NKAIN3: variants seen among roughly 807,000 people sequenced by gnomAD.
The protein encoded by NKAIN3 is sodium/potassium transporting ATPase interacting 3.
In NKAIN3, 25 loss-of-function variants were observed where a neutral mutation model predicts 30.2. The ratio of observed to expected loss-of-function variants is 0.83; its 90% CI spans 0.60 to 1.16. The LOEUF is 1.16. NKAIN3 is among the 50% of genes most tolerant of loss of function. NKAIN3 has a pLI of 0.00. For missense variants in NKAIN3, 225 were observed against 254.1 expected, an observed-to-expected ratio of 0.89 and a Z score of 0.78; for synonymous variants, 91 against 89.6, an observed-to-expected ratio of 1.02 and a Z score of -0.09.
At chr8:62,339,325 A>C (rs1256240222) in intron 1 of NKAIN3, among the ~76,000 whole-genome samples, 1 of 152,008 alleles carries the variant, frequency 6.6e-6, no homozygotes, top group African/African-American at 2.4e-5. Context: ...GCCAGATAGG[A>C]AGCTATTCAA....
At chr8:62,730,427 G>A (rs1815428905) in intron 3 of NKAIN3, among the ~76,000 whole-genome samples, 1 of 151,778 alleles carries the variant, frequency 6.6e-6, no homozygotes, top group African/African-American at 2.4e-5. Flanking sequence ...TTTTTAAACT[G>A]GGTGCTCAGC....
rs542077432 is a variant in NKAIN3 at position 62,528,970 on chromosome 8, T to C, written c.55-50569T>C. Among the ~76,000 whole-genome samples the C allele has an allele frequency of 3.3e-5, 5 of 152,298 alleles. No individual in the cohort carries two copies. The South Asian group carries it at 1.0e-3, about 32-fold the overall frequency. ...GTATATAGAAGCTATGTAACTTGAA[T>C]GAAGCCATAGGGGTAGAAGCAGAAT... On this transcript the variant is annotated intron_variant, in intron 1 of 6. Transcript: ENST00000623646.
intron 3 of NKAIN3, among the ~76,000 whole-genome samples, chr8:62,707,539 A>T (rs1198451863): frequency 6.6e-6 from 1 of 151,936 alleles, no homozygotes; most frequent in Non-Finnish European, 1.5e-5. Context: ...AGAATTGTCT[A>T]TCCATGTCCT....
chr8:62,595,990 T>C (rs564892041), intron 3 of NKAIN3, among the ~76,000 whole-genome samples: 1 of 152,162 alleles, frequency 6.6e-6, no homozygotes, highest in Admixed American at 6.5e-5. Flanking sequence ...TGGCCTGCAG[T>C]GCAGGGGATT....
At chr8:62,565,832 A>G (rs1038796389) in intron 1 of NKAIN3, among the ~76,000 whole-genome samples, 1 of 152,204 alleles carries the variant, frequency 6.6e-6, no homozygotes, top group African/African-American at 2.4e-5. Flanking sequence ...TGCTCACATT[A>G]GACACTTAAA....
At chr8:62,912,934 G>A (rs117406678) in intron 4 of NKAIN3, among the ~76,000 whole-genome samples, 2 of 152,124 alleles carry the variant, frequency 1.3e-5, no homozygotes, top group East Asian at 3.9e-4. Flanking sequence ...AGAAAAAACT[G>A]AGATCCAAAC....
Position 62,569,402 on chromosome 8 carries a change from G to A in NKAIN3, c.55-10137G>A, listed in dbSNP as rs1306852964. Among the ~76,000 whole-genome samples, 3 of 152,168 alleles carry A rather than the reference G, an allele frequency of 2.0e-5. No individual in the cohort carries two copies. The East Asian group carries it at 5.8e-4, about 29-fold the overall frequency. On this transcript the variant is annotated intron_variant, in intron 1 of 6. Coordinates refer to ENST00000623646, the MANE Select transcript of NKAIN3 (RefSeq NM_001304533.3). Reference sequence around the variant, plus strand: ...AACCTCAAGCATGAAAAGTCCCTTGGGAGTTGAATAGATAGGAGAGTTTAG... The same window carrying A: ...AACCTCAAGCATGAAAAGTCCCTTGAGAGTTGAATAGATAGGAGAGTTTAG...
intron 4 of NKAIN3, among the ~76,000 whole-genome samples, chr8:62,879,372 T>C (rs1399519545): frequency 6.6e-6 from 1 of 152,224 alleles, no homozygotes; most frequent in Non-Finnish European, 1.5e-5. Context: ...TGTTTTTTTC[T>C]TATAAATTTG....
chr8:62,787,492 G>T (rs1032145474), intron 4 of NKAIN3, among the ~76,000 whole-genome samples: 4 of 151,936 alleles, frequency 2.6e-5, no homozygotes, highest in African/African-American at 4.8e-5. Context: ...GGACAAAGAG[G>T]AAAACTCAGT....
intron 1 of NKAIN3, among the ~76,000 whole-genome samples, chr8:62,260,829 C>G (rs1450021661): frequency 1.3e-5 from 2 of 152,108 alleles, no homozygotes; most frequent in African/African-American, 4.8e-5. Context: ...TCAACACTTT[C>G]TAATGATTTT....
intron 3 of NKAIN3, among the ~76,000 whole-genome samples, chr8:62,735,378 CTTTT>C (rs200472150): frequency 1.0e-3 from 28 of 27,742 alleles, no homozygotes; most frequent in African/African-American, 2.9e-3. Flanking sequence ...TTCTTTCTTT[CTTTT>C]TTTTTTTTTT....
chr8:62,508,960 C>A (rs1348892376), intron 1 of NKAIN3, among the ~76,000 whole-genome samples: 1 of 146,584 alleles, frequency 6.8e-6, no homozygotes, highest in Non-Finnish European at 1.5e-5. Flanking sequence ...AATCCAGTGA[C>A]TTCTCTACGT....
At chr8:62,654,328 G>GA (rs1342153241) in intron 3 of NKAIN3, among the ~76,000 whole-genome samples, 1 of 151,982 alleles carries the variant, frequency 6.6e-6, no homozygotes, top group African/African-American at 2.4e-5. Context: ...GAATAGTTAA[G>GA]AAAATCCAAC....
intron 4 of NKAIN3, among the ~76,000 whole-genome samples, chr8:62,802,379 G>A (rs1563568792): frequency 1.3e-5 from 2 of 152,192 alleles, no homozygotes; most frequent in Non-Finnish European, 2.9e-5. Flanking sequence ...GAAAGGTTGG[G>A]TTACCCACAA....
chr8:62,482,620 G>A (rs1806759949), intron 1 of NKAIN3: 1 of 152,246 alleles, frequency 6.6e-6, no homozygotes, highest in South Asian at 2.1e-4. Flanking sequence ...AATGGATTCA[G>A]GGAAGAGTGC....
At chr8:62,300,360 T>A (rs910469248) in intron 1 of NKAIN3, among the ~76,000 whole-genome samples, 3 of 152,126 alleles carry the variant, frequency 2.0e-5, no homozygotes, top group Admixed American at 2.0e-4. Context: ...TGCTGTTATT[T>A]CACTTAACTT....
intron 4 of NKAIN3, among the ~76,000 whole-genome samples, chr8:62,759,494 T>TG (rs5891871): frequency 0.88 from 134,391 of 152,042 alleles, 59,519 homozygotes; most frequent in Admixed American, 0.91. Flanking sequence ...TGGGGGCTTA[T>TG]AAAGCCTGAG....
At chr8:62,838,089 GGTGT>G (rs147185630) in intron 4 of NKAIN3, among the ~76,000 whole-genome samples, 1 of 149,966 alleles carries the variant, frequency 6.7e-6, no homozygotes, top group Non-Finnish European at 1.5e-5. Context: ...AGTGTGCAAA[GGTGT>G]GTGTGTGTGT....
At chr8:62,830,350 C>A (rs1243980306) in intron 4 of NKAIN3, among the ~76,000 whole-genome samples, 1 of 152,056 alleles carries the variant, frequency 6.6e-6, no homozygotes, top group Non-Finnish European at 1.5e-5. Context: ...CCTTTATACT[C>A]AATATGCAGA....
Sources: gnomAD v4.1 joint callset for allele counts (sites outside exome capture counted in the v4.1 genomes callset) on GRCh38, gnomAD v4.1.1 for gene constraint, MANE v1.5 for transcripts, NCBI Gene and HGNC (gene_info 2026-07-23, HGNC 2026-07-21) for gene names.